The following FSTL5 variants were observed in gnomAD, a reference collection of about 807,000 sequenced individuals.
FSTL5 encodes the protein follistatin-related protein 5.
In FSTL5, 62 loss-of-function variants were observed where a neutral mutation model predicts 89.1. The observed-to-expected ratio is 0.70, with a 90% confidence interval of 0.57 to 0.86. The LOEUF is 0.86. Among genes scored for constraint, FSTL5 ranks in the 40% least tolerant of loss-of-function variants. The pLI is 0.00. For synonymous variants in FSTL5, 383 were observed against 346.2 expected (o/e 1.11, Z -1.18); for missense variants, 1,057 against 1,001.6 (o/e 1.06, Z -0.75).
chr4:161,547,865 C>G (rs1210928034), intron 8 of FSTL5, among the ~76,000 whole-genome samples: 1 of 151,828 alleles, frequency 6.6e-6, no homozygotes, highest in African/African-American at 2.4e-5. Context: ...GTGCATGATA[C>G]AAGTTTGCAT....
At chr4:162,022,800 T>C (rs1030094595) in intron 3 of FSTL5, 1 of 152,124 alleles carries the variant, frequency 6.6e-6, no homozygotes, top group Non-Finnish European at 1.5e-5. Context: ...GGAGGTCATA[T>C]CTTAAATGAA....
intron 6 of FSTL5, among the ~76,000 whole-genome samples, chr4:161,677,297 C>CA (rs1230228317): frequency 6.6e-6 from 1 of 151,486 alleles, no homozygotes; most frequent in African/African-American, 2.4e-5. Flanking sequence ...GGGAATGAGT[C>CA]AGAGAGAGGC....
At chr4:161,890,688 A>G (rs1276519354) in intron 4 of FSTL5, among the ~76,000 whole-genome samples, 1 of 29,834 alleles carries the variant, frequency 3.4e-5, no homozygotes, top group Non-Finnish European at 8.5e-5. Context: ...ACTCTGTCTA[A>G]AAAAAAAAAA....
chr4:162,058,366 T>G (rs1424131233), intron 2 of FSTL5, among the ~76,000 whole-genome samples: 1 of 152,002 alleles, frequency 6.6e-6, no homozygotes, highest in Non-Finnish European at 1.5e-5. Context: ...GTGATGTTAG[T>G]TTTTTTAAAG....
intron 8 of FSTL5, among the ~76,000 whole-genome samples, chr4:161,569,318 C>A (rs919611488): frequency 3.9e-5 from 6 of 152,036 alleles, no homozygotes; most frequent in African/African-American, 1.5e-4. Flanking sequence ...TCTTGGTATC[C>A]AAGATCTGGG....
At chr4:161,652,213 G>A (rs974356262) in intron 7 of FSTL5, among the ~76,000 whole-genome samples, 7 of 152,106 alleles carry the variant, frequency 4.6e-5, no homozygotes, top group Non-Finnish European at 4.4e-5. Context: ...AAAGCAGGAG[G>A]ATCACTTGAG....
intron 10 of FSTL5, among the ~76,000 whole-genome samples, chr4:161,517,896 T>TA (rs1441587478): frequency 6.6e-6 from 1 of 152,102 alleles, no homozygotes; most frequent in Non-Finnish European, 1.5e-5. Flanking sequence ...AGCAGCTAAA[T>TA]AAAAAAGGGC....
Position 161,593,263 on chromosome 4 carries a change from T to A in FSTL5, c.895-5688A>T, listed in dbSNP as rs189395944. 2.6e-5 allele frequency among the ~76,000 whole-genome samples: 4 copies of A among 152,248 alleles called. No homozygotes were observed. In the East Asian group the frequency reaches 7.7e-4, roughly 29 times the overall value. ...GATTTTTTTAAAAATATTTATATCT[T>A]TAAAATAGGATAGTATCCACTGACT... On this transcript the variant is annotated intron_variant, in intron 7 of 15. Coordinates refer to ENST00000306100, the MANE Select transcript of FSTL5 (RefSeq NM_020116.5).
chr4:162,115,308 T>C (rs1261192844), intron 1 of FSTL5, among the ~76,000 whole-genome samples: 3 of 152,222 alleles, frequency 2.0e-5, no homozygotes, highest in Non-Finnish European at 4.4e-5. Context: ...ATGATCATCT[T>C]CTTATTTCTC....
intron 2 of FSTL5, among the ~76,000 whole-genome samples, chr4:162,106,899 G>T (rs1731246732): frequency 6.6e-6 from 1 of 152,136 alleles, no homozygotes; most frequent in Non-Finnish European, 1.5e-5. Flanking sequence ...TACTTAAGTA[G>T]CCCCCACCTT....
intron 4 of FSTL5, among the ~76,000 whole-genome samples, chr4:161,853,460 G>T (rs970810490): frequency 6.6e-5 from 10 of 151,902 alleles, no homozygotes; most frequent in Admixed American, 1.3e-4. Context: ...TAGGAACAGG[G>T]TTTCATCATG....
intron 6 of FSTL5, among the ~76,000 whole-genome samples, chr4:161,738,882 A>G (rs2126769374): frequency 6.6e-6 from 1 of 152,286 alleles, no homozygotes; most frequent in East Asian, 1.9e-4. Flanking sequence ...CACTTGCACA[A>G]TTTCTTAATT....
intron 6 of FSTL5, among the ~76,000 whole-genome samples, chr4:161,751,604 A>T (rs1740394636): frequency 1.3e-5 from 2 of 152,070 alleles, no homozygotes; most frequent in Admixed American, 1.3e-4. Context: ...GCAAAGTCCC[A>T]TCTCTACTAA....
At chr4:161,396,664 AAAAAG>A (rs938746208) in intron 15 of FSTL5, among the ~76,000 whole-genome samples, 1 of 151,692 alleles carries the variant, frequency 6.6e-6, no homozygotes, top group African/African-American at 2.4e-5. Context: ...AAAAAAAAAA[AAAAAG>A]AAAAGAAGTA....
At chr4:161,580,411 A>G (rs1733391745) in intron 8 of FSTL5, among the ~76,000 whole-genome samples, 1 of 152,216 alleles carries the variant, frequency 6.6e-6, no homozygotes, top group African/African-American at 2.4e-5. Context: ...AGCAGCTCTG[A>G]GAAAAGACCC....
intron 15 of FSTL5, among the ~76,000 whole-genome samples, chr4:161,407,991 C>A (rs1240148404): frequency 6.6e-6 from 1 of 152,164 alleles, no homozygotes; most frequent in Non-Finnish European, 1.5e-5. Flanking sequence ...ACTCAGAGCT[C>A]TGCTTGACAC....
intron 2 of FSTL5, among the ~76,000 whole-genome samples, chr4:162,058,108 T>C (rs1738606607): frequency 6.6e-6 from 1 of 152,136 alleles, no homozygotes. Context: ...TTTATAATTA[T>C]GGGATAGTAA....
At chr4:161,960,162 A>ATT (rs34848383) in intron 3 of FSTL5, among the ~76,000 whole-genome samples, 1 of 98,402 alleles carries the variant, frequency 1.0e-5, no homozygotes, top group African/African-American at 3.7e-5. Context: ...TTTTAATGTA[A>ATT]TTTTTTTTTT....
chr4:161,620,339 T>A (rs1735077197), intron 7 of FSTL5, among the ~76,000 whole-genome samples: 1 of 152,028 alleles, frequency 6.6e-6, no homozygotes, highest in South Asian at 2.1e-4. Flanking sequence ...TAAAGTATAA[T>A]AATAATTTAA....
Sources: gnomAD v4.1 joint callset for allele counts (sites outside exome capture counted in the v4.1 genomes callset) on GRCh38, gnomAD v4.1.1 for gene constraint, MANE v1.5 for transcripts, NCBI Gene and HGNC (gene_info 2026-07-23, HGNC 2026-07-21) for gene names.